Variants in RIMS1 observed in about 807,000 individuals in gnomAD.
RIMS1 encodes regulating synaptic membrane exocytosis protein 1.
RIMS1 carries 83 observed loss-of-function variants against 214.1 expected under a neutral mutation model. The observed-to-expected ratio is 0.39, with a 90% CI of 0.32 to 0.47. The LOEUF (loss-of-function observed/expected upper bound fraction) is 0.47, where lower values mean the gene tolerates loss of function less well. Among genes scored for constraint, RIMS1 ranks in the 20% least tolerant of loss-of-function variants. The pLI is 0.99. For missense variants in RIMS1, 2,050 were observed against 2,161.8 expected (o/e 0.95, Z 1.03); for synonymous variants, 793 against 786.8 (o/e 1.01, Z -0.13).
chr6:72,103,191 G>T (rs904438515), intron 4 of RIMS1, among the ~76,000 whole-genome samples: 17 of 152,072 alleles, frequency 1.1e-4, no homozygotes, highest in Non-Finnish European at 4.4e-5. Flanking sequence ...GTCTGGTTTT[G>T]CTGAGCTTAT....
chr6:72,064,944 C>CTACA (rs1402985738), intron 2 of RIMS1, among the ~76,000 whole-genome samples: 3 of 152,152 alleles, frequency 2.0e-5, no homozygotes, highest in Non-Finnish European at 4.4e-5. Context: ...GTGGTGTATA[C>CTACA]TACAGTCACC....
chr6:72,079,450 T>G (rs1000908510), intron 2 of RIMS1, among the ~76,000 whole-genome samples: 1 of 152,302 alleles, frequency 6.6e-6, no homozygotes, highest in Non-Finnish European at 1.5e-5. Flanking sequence ...GATAATATAT[T>G]ATCATACTTC....
intron 4 of RIMS1, among the ~76,000 whole-genome samples, chr6:72,128,389 C>T (rs906474434): frequency 5.9e-5 from 9 of 152,048 alleles, no homozygotes; most frequent in East Asian, 1.9e-4. Context: ...CTCCCCTCCC[C>T]GCTTCTTGTC....
At chr6:71,909,883 G>C (rs190576264) in intron 1 of RIMS1, among the ~76,000 whole-genome samples, 2 of 152,088 alleles carry the variant, frequency 1.3e-5, no homozygotes, top group Admixed American at 1.3e-4. Flanking sequence ...AACAATCTGC[G>C]TATTGTTGGT....
At chr6:71,970,296 G>A (rs573130619) in intron 2 of RIMS1, among the ~76,000 whole-genome samples, 2 of 152,260 alleles carry the variant, frequency 1.3e-5, no homozygotes, top group African/African-American at 4.8e-5. Flanking sequence ...CTGACTGTAT[G>A]TAAAGCCATT....
chr6:72,104,863 A>G (rs1414023551), intron 4 of RIMS1, among the ~76,000 whole-genome samples: 1 of 152,132 alleles, frequency 6.6e-6, no homozygotes, highest in Non-Finnish European at 1.5e-5. Flanking sequence ...AGGTCCTCAC[A>G]TTACCAGTCT....
At chr6:72,388,376 GA>G (rs2098648325) in intron 29 of RIMS1, among the ~76,000 whole-genome samples, 1 of 152,242 alleles carries the variant, frequency 6.6e-6, no homozygotes. Flanking sequence ...CATATGGAAT[GA>G]GGGGCAGAAG....
At position 72,146,588 on chromosome 6, in the gene RIMS1, G is replaced by A. The variant is rs143278111; in HGVS notation, c.472-32987G>A. Among the ~76,000 whole-genome samples, 1,173 of 152,196 alleles carry A rather than the reference G, an allele frequency of 7.7e-3. 20 individuals carry two copies. The highest frequency in any genetic ancestry group is 0.027 in the African/African-American group (1,115 of 41,532). On this transcript the variant is annotated intron_variant, in intron 4 of 33. Transcript: ENST00000521978. ...ATTTCAGTGTTCAATTTACCAAATT[G>A]AAAAACCAAATAATAACCTTTTGAA...
In RIMS1 at chr6:72,111,713, G is replaced by T. The variant is rs752576621; in HGVS notation, c.471+11727G>T. On this transcript the variant is annotated intron_variant, in intron 4 of 33. Coordinates refer to ENST00000521978, the MANE Select transcript of RIMS1 (RefSeq NM_014989.7). ...TTGAAAAGTCTATGAAAGATGCAAC[G>T]AGTAGGATGCCAGGCAGCAGGGAGT... 3.3e-5 allele frequency among the ~76,000 whole-genome samples: 5 copies of T among 152,128 alleles called. No homozygotes were observed. The South Asian group carries it at 1.0e-3, about 32-fold the overall frequency.
intron 31 of RIMS1, among the ~76,000 whole-genome samples, chr6:72,393,527 A>ATCC (rs1345961869): frequency 1.3e-5 from 2 of 152,152 alleles, no homozygotes; most frequent in African/African-American, 4.8e-5. Context: ...GACCGAGACC[A>ATCC]TCCTGGCTAA....
At position 72,313,585 on chromosome 6, in the gene RIMS1, C is replaced by T. The variant is rs770231515; in HGVS notation, c.4043C>T (p.Ser1348Phe). ...KSSDSDVSDV[S>F]AISRTSSASR... ...TCAGATAGTGATGTCAGTGATGTTT[C>T]CGCCATTTCCCGAACCAGCAGTGCC... Residue 1348 changes from serine to phenylalanine, a missense_variant, in exon 28 of 34, where the codon TCC becomes TTC. Transcript: ENST00000521978. The T allele has an allele frequency of 1.2e-6, 2 of 1,613,756 alleles. No homozygotes were observed. The highest frequency in any genetic ancestry group is 1.7e-6 in the Non-Finnish European group (2 of 1,179,802).
intron 2 of RIMS1, among the ~76,000 whole-genome samples, chr6:72,074,732 A>G (rs1165853614): frequency 1.3e-5 from 2 of 152,308 alleles, no homozygotes; most frequent in Admixed American, 6.5e-5. Flanking sequence ...TATCTTGAAG[A>G]TGATTGAGCT....
At chr6:71,916,507 A>C (rs143611547) in intron 1 of RIMS1, among the ~76,000 whole-genome samples, 1 of 152,150 alleles carries the variant, frequency 6.6e-6, no homozygotes, top group African/African-American at 2.4e-5. Context: ...ACCTGAACCA[A>C]CTGGTATTTG....
intron 29 of RIMS1, among the ~76,000 whole-genome samples, chr6:72,345,580 A>G (rs2097235104): frequency 6.6e-6 from 1 of 151,854 alleles, no homozygotes; most frequent in African/African-American, 2.4e-5. Context: ...TTCCAACTGT[A>G]TGTTCACACA....
intron 29 of RIMS1, among the ~76,000 whole-genome samples, chr6:72,355,290 GTATT>G (rs2097585711): frequency 6.6e-6 from 1 of 151,866 alleles, no homozygotes; most frequent in Non-Finnish European, 1.5e-5. Context: ...ATCCCTGTAA[GTATT>G]ACAATTTATC....
At chr6:72,055,013 A>G (rs2152190122) in intron 2 of RIMS1, among the ~76,000 whole-genome samples, 1 of 152,180 alleles carries the variant, frequency 6.6e-6, no homozygotes, top group Admixed American at 6.5e-5. Flanking sequence ...CTATGTCCTG[A>G]ATGGTATTGC....
intron 26 of RIMS1, among the ~76,000 whole-genome samples, chr6:72,306,382 T>A (rs1261553798): frequency 6.6e-6 from 1 of 152,132 alleles, no homozygotes; most frequent in Non-Finnish European, 1.5e-5. Flanking sequence ...GTATAAGCTT[T>A]TGAGTCGTTT....
chr6:71,908,839 C>T (rs928602776), intron 1 of RIMS1, among the ~76,000 whole-genome samples: 1 of 152,232 alleles, frequency 6.6e-6, no homozygotes, highest in East Asian at 1.9e-4. Context: ...AAAATTAAGA[C>T]CCAGAGCCAA....
At chr6:72,171,620 T>C (rs1026159095) in intron 4 of RIMS1, among the ~76,000 whole-genome samples, 1 of 152,160 alleles carries the variant, frequency 6.6e-6, no homozygotes, top group Admixed American at 6.6e-5. Flanking sequence ...TGTCTATAGA[T>C]GATGACAATG....
Sources: allele counts gnomAD v4.1 joint callset (sites outside exome capture counted in the v4.1 genomes callset), GRCh38; gene constraint gnomAD v4.1.1; transcripts MANE v1.5; gene names NCBI Gene and HGNC (gene_info 2026-07-23, HGNC 2026-07-21).